The following CLTRN variants were observed in gnomAD, a reference collection of about 807,000 sequenced individuals.
CLTRN encodes collectrin.
CLTRN carries 12 observed loss-of-function variants against 14.5 expected under a neutral mutation model. That is an observed-to-expected ratio of 0.83 (90% confidence interval 0.53 to 1.34). The LOEUF (loss-of-function observed/expected upper bound fraction) is 1.34. Among genes scored for constraint, CLTRN ranks in the 40% most tolerant of loss-of-function variants. CLTRN has a pLI of 0.00. For synonymous variants in CLTRN, 58 were observed against 56.5 expected, an observed-to-expected ratio of 1.03 and a Z score of -0.12; for missense variants, 154 against 165.1, an observed-to-expected ratio of 0.93 and a Z score of 0.37.
chrX:15,672,622 G>A (rs1001044142), intron 1 of CLTRN, among the ~76,000 whole-genome samples: 2 of 110,800 alleles, frequency 1.8e-5, no homozygotes, highest in East Asian at 2.8e-4. Context: ...CCTACGTTTC[G>A]GCCAGTGATG....
rs192145890 is a variant in CLTRN at position 15,674,093 on chromosome X, G to A, written c.-506+896C>T. Among the ~76,000 whole-genome samples the A allele has an allele frequency of 2.5e-3, 276 of 112,239 alleles. 1 individual carries two copies. The highest frequency in any genetic ancestry group is 8.5e-3 in the African/African-American group (261 of 30,879). On this transcript the variant is annotated intron_variant, in intron 1 of 6. Coordinates refer to the CLTRN transcript ENST00000650271. ...TTGACTCTTGTCTTATTTCTTACTG[G>A]AACATAGTACTTGATAAATCTGTCT...
At chrX:15,634,248 T>C (rs765997674) in intron 5 of CLTRN, among the ~76,000 whole-genome samples, 178 of 111,966 alleles carry the variant, frequency 1.6e-3, no homozygotes, top group African/African-American at 5.1e-3. Flanking sequence ...CTTTCTAGCA[T>C]GTAAACCACT....
In CLTRN at chrX:15,664,737, A is replaced by G; in HGVS notation, c.39T>C (p.His13=). 1 of 1,210,491 alleles carries G rather than the reference A, an allele frequency of 8.3e-7. No individual in the cohort carries two copies. Among genetic ancestry groups the G allele is most frequent in the Non-Finnish European group, 1.1e-6 (1 of 894,423 alleles). The change falls in exon 1 of 6, where the codon CAT becomes CAC. Residue 13 remains histidine, a synonymous_variant. Transcript: ENST00000380342. ...WLLFFLVTAI[H]AELCQPGAEN... is the part of the protein sequence containing the mutation. ...ACATACCTGGTTGACAGAGTTCAGC[A>G]TGAATGGCAGTCACCAGAAAAAAGA...
intron 3 of CLTRN, among the ~76,000 whole-genome samples, chrX:15,654,128 A>C (rs1468398472): frequency 8.9e-6 from 1 of 111,950 alleles, no homozygotes; most frequent in Non-Finnish European, 1.9e-5. Flanking sequence ...AATCAAAAGG[A>C]CTAAATAGGC....
chrX:15,655,027 G>A (rs1178585576), intron 3 of CLTRN, among the ~76,000 whole-genome samples: 2 of 112,154 alleles, frequency 1.8e-5, no homozygotes, highest in African/African-American at 6.5e-5. Context: ...ACTTCCGGCT[G>A]CTAAGGCATC....
rs745738295 is a variant in CLTRN, at chrX:15,644,932, C to T, written c.301G>A (p.Val101Met). ...SKNHTLPAVE[V>M]QSAIRMNKNR... Reference sequence around the variant, plus strand: ...GGTGATTACCTTATGGCTGATTGCACCTCAACAGCAGGAAGGGTGTGATTT... The same window carrying T: ...GGTGATTACCTTATGGCTGATTGCATCTCAACAGCAGGAAGGGTGTGATTT... Residue 101 changes from valine (V) to methionine (M), a missense_variant, in exon 4 of 6, where the codon GTG becomes ATG. Physicochemically the swap from Val to Met is conservative, Grantham distance 21. Coordinates refer to ENST00000380342, the MANE Select transcript of CLTRN (RefSeq NM_020665.6). 1 of 1,199,808 alleles carries T rather than the reference C, an allele frequency of 8.3e-7. No individual in the cohort carries two copies. Among genetic ancestry groups the T allele is most frequent in the Non-Finnish European group, 1.1e-6 (1 of 888,270 alleles).
chrX:15,645,269 T>A (rs977568234), intron 3 of CLTRN, among the ~76,000 whole-genome samples: 1 of 111,815 alleles, frequency 8.9e-6, no homozygotes, highest in Non-Finnish European at 1.9e-5. Context: ...TGCCAAAAAA[T>A]AATAATAGTC....
upstream of CLTRN, among the ~76,000 whole-genome samples, chrX:15,669,636 CAT>C (rs201483180): frequency 9.7e-3 from 1,081 of 111,837 alleles, 14 homozygotes; most frequent in African/African-American, 0.033. Context: ...AAAGAAAACA[CAT>C]GTGTCGTTCT....
intron 4 of CLTRN, among the ~76,000 whole-genome samples, chrX:15,644,633 G>A (rs1362840972): frequency 1.8e-5 from 2 of 111,170 alleles, no homozygotes; most frequent in East Asian, 5.6e-4. Context: ...CTCAATGCTG[G>A]TGGTACCACC....
upstream of CLTRN, chrX:15,675,034 G>A (rs1042941927): frequency 2.7e-5 from 3 of 112,903 alleles, no homozygotes; most frequent in Non-Finnish European, 5.6e-5. Flanking sequence ...GGTTAGCCAC[G>A]GTGGGAACGG....
At position 15,627,808 on chromosome X, in the gene CLTRN, G is replaced by T. The variant is rs1028062936; in HGVS notation, c.*163C>A. ...AATAGCTTATGATTTCAGTGGTGTTGGTGGGTATAATTGATTGCTTTTCAC... is the reference window on the plus strand; with the variant it reads ...AATAGCTTATGATTTCAGTGGTGTTTGTGGGTATAATTGATTGCTTTTCAC... On this transcript the variant is annotated 3_prime_UTR_variant, in exon 6 of 6. Transcript: ENST00000380342. 9.0e-5 allele frequency: 29 copies of T among 322,698 alleles called. No individual in the cohort carries two copies. The highest frequency in any genetic ancestry group is 1.4e-4 in the Non-Finnish European group (27 of 193,143). The allele number at this position is 322,698 out of a possible 1,213,427, so 26.6% of individuals were successfully genotyped here. A position where few individuals can be genotyped will look rare whatever the true frequency, so the allele number is the denominator to read the frequency against.
intron 5 of CLTRN, among the ~76,000 whole-genome samples, chrX:15,632,084 C>T (rs772650871): frequency 2.7e-5 from 3 of 111,519 alleles, no homozygotes; most frequent in South Asian, 3.8e-4. Flanking sequence ...ATTCCTGGAA[C>T]GAGCTCCTAG....
intron 1 of CLTRN, among the ~76,000 whole-genome samples, chrX:15,670,887 TGTGTGTGTGTGTG>T (rs1222331101): frequency 5.4e-4 from 4 of 7,409 alleles, no homozygotes; most frequent in Non-Finnish European, 8.2e-4. Flanking sequence ...CAAGTGTGTG[TGTGTGTGTGTGTG>T]TGTGTGTGTG....
At chrX:15,672,475 G>A (rs5980167) in intron 1 of CLTRN, among the ~76,000 whole-genome samples, 91 of 95,989 alleles carry the variant, frequency 9.5e-4, no homozygotes, top group African/African-American at 3.3e-3. Context: ...ATTTAGCCCT[G>A]ACAACAGGTA....
chrX:15,658,714 AT>A (rs1207186513), intron 3 of CLTRN, among the ~76,000 whole-genome samples: 3 of 25,530 alleles, frequency 1.2e-4, no homozygotes, highest in African/African-American at 1.1e-3. Context: ...AGAAAATTAT[AT>A]ATATATATAT....
intron 4 of CLTRN, among the ~76,000 whole-genome samples, chrX:15,642,501 C>T (rs773361145): frequency 8.9e-6 from 1 of 112,331 alleles, no homozygotes; most frequent in African/African-American, 3.2e-5. Context: ...TCCCCACTTC[C>T]TAAATAGTTT....
At chrX:15,649,551 T>A (rs1476632020) in intron 3 of CLTRN, among the ~76,000 whole-genome samples, 1 of 111,788 alleles carries the variant, frequency 8.9e-6, no homozygotes, top group Non-Finnish European at 1.9e-5. Context: ...TCGCTGTCTA[T>A]GAGTTACTAG....
Position 15,645,084 on chromosome X carries a change from T to C in CLTRN, c.204-55A>G, listed in dbSNP as rs764565981. 6.8e-6 allele frequency: 5 copies of C among 739,187 alleles called. No individual in the cohort carries two copies. In the African/African-American group the frequency reaches 1.1e-4, roughly 16 times the overall value. 60.9% of individuals were successfully genotyped at this position (739,187 alleles called of 1,213,427 possible). A position where few individuals can be genotyped will look rare whatever the true frequency, so the allele number is the denominator to read the frequency against. On this transcript the variant is annotated intron_variant, in intron 3 of 5. Transcript: ENST00000380342. Reference sequence around the variant, plus strand: ...AGAAGAATATCATACCAAATGGCATTAAACCGTTCACTCTGATGCTACTAC... The same window carrying C: ...AGAAGAATATCATACCAAATGGCATCAAACCGTTCACTCTGATGCTACTAC...
Position 15,661,695 on chromosome X carries a change from C to A in CLTRN, c.118-2594G>T, listed in dbSNP as rs1256143905. ...CCATTAATCTACTCCAGGGTAAATA[C>A]CCCCAAAAAAGAAGGCATATGAAAA... On this transcript the variant is annotated intron_variant, in intron 2 of 5. Transcript: ENST00000380342. Among the ~76,000 whole-genome samples, 5 of 111,981 alleles carry A rather than the reference C, an allele frequency of 4.5e-5. No homozygotes were observed. The South Asian group carries it at 1.1e-3, about 25-fold the overall frequency.
Sources: gnomAD v4.1 joint callset for allele counts (sites outside exome capture counted in the v4.1 genomes callset) on GRCh38, gnomAD v4.1.1 for gene constraint, MANE v1.5 for transcripts, NCBI Gene and HGNC (gene_info 2026-07-23, HGNC 2026-07-21) for gene names.